C1orf21: variants seen among roughly 807,000 people sequenced by gnomAD.
C1orf21 encodes the protein uncharacterized protein C1orf21.
In C1orf21, 3 loss-of-function variants were observed where a neutral mutation model predicts 18.7. That is an observed-to-expected ratio of 0.16 (90% CI 0.07 to 0.42). The LOEUF (loss-of-function observed/expected upper bound fraction) is 0.42, where lower values mean the gene tolerates loss of function less well. C1orf21 is among the 10% of genes least tolerant of loss of function. The pLI, the probability that C1orf21 is intolerant of heterozygous loss-of-function variation, is 0.99. For synonymous variants in C1orf21, 41 were observed against 46.4 expected (o/e 0.88, Z 0.47); for missense variants, 104 against 143.6 (o/e 0.72, Z 1.41).
At chr1:184,511,970 A>G (rs1658155436) in intron 3 of C1orf21, among the ~76,000 whole-genome samples, 1 of 152,190 alleles carries the variant, frequency 6.6e-6, no homozygotes, top group Non-Finnish European at 1.5e-5. Context: ...GTAATTTAAA[A>G]TGAGACTTGG....
chr1:184,516,689 A>G (rs1243146734), intron 3 of C1orf21, among the ~76,000 whole-genome samples: 2 of 152,188 alleles, frequency 1.3e-5, no homozygotes, highest in East Asian at 3.8e-4. Context: ...TGTGAGACTT[A>G]TTCACTACCA....
At chr1:184,603,252 A>G (rs1394270882) in intron 5 of C1orf21, among the ~76,000 whole-genome samples, 1 of 152,192 alleles carries the variant, frequency 6.6e-6, no homozygotes, top group Non-Finnish European at 1.5e-5. Context: ...GACTTTAAAG[A>G]GGATTAGGGA....
intron 1 of C1orf21, among the ~76,000 whole-genome samples, chr1:184,449,319 G>A (rs925215950): frequency 9.2e-5 from 14 of 151,880 alleles, no homozygotes; most frequent in East Asian, 3.9e-4. Context: ...TTGTCCTTGC[G>A]ATAGTTTGCT....
intron 3 of C1orf21, among the ~76,000 whole-genome samples, chr1:184,533,085 C>A (rs1658491630): frequency 6.6e-6 from 1 of 152,084 alleles, no homozygotes. Context: ...TGGCTTCCTG[C>A]TGCTCCCGGG....
intron 1 of C1orf21, among the ~76,000 whole-genome samples, chr1:184,419,016 A>G (rs916560074): frequency 6.6e-6 from 1 of 152,188 alleles, no homozygotes; most frequent in African/African-American, 2.4e-5. Flanking sequence ...ACTGCACTCT[A>G]GAGGCTTTCC....
At chr1:184,506,339 G>A (rs971407417) in intron 2 of C1orf21, among the ~76,000 whole-genome samples, 1 of 152,144 alleles carries the variant, frequency 6.6e-6, no homozygotes, top group Non-Finnish European at 1.5e-5. Flanking sequence ...TTACTGTAAC[G>A]AACATCTTTG....
At chr1:184,491,157 G>A (rs1258482346) in intron 2 of C1orf21, among the ~76,000 whole-genome samples, 1 of 151,996 alleles carries the variant, frequency 6.6e-6, no homozygotes, top group Non-Finnish European at 1.5e-5. Context: ...AATAATCAGT[G>A]AACTTTATTT....
intron 1 of C1orf21, among the ~76,000 whole-genome samples, chr1:184,430,331 T>C (rs2101970448): frequency 6.6e-6 from 1 of 152,240 alleles, no homozygotes; most frequent in South Asian, 2.1e-4. Context: ...CCAGTGACTG[T>C]CCTCCACTCT....
intron 1 of C1orf21, among the ~76,000 whole-genome samples, chr1:184,417,620 C>T (rs1656474552): frequency 6.6e-6 from 1 of 152,130 alleles, no homozygotes; most frequent in Admixed American, 6.6e-5. Flanking sequence ...TCTTTAAACT[C>T]AAAATATAGA....
chr1:184,558,507 G>C (rs1000997856), intron 3 of C1orf21, among the ~76,000 whole-genome samples: 2 of 152,156 alleles, frequency 1.3e-5, no homozygotes, highest in Non-Finnish European at 2.9e-5. Context: ...AAGCATCTAG[G>C]AATCTTTAGA....
At chr1:184,598,066 T>G (rs1349490642) in intron 4 of C1orf21, among the ~76,000 whole-genome samples, 1 of 152,146 alleles carries the variant, frequency 6.6e-6, no homozygotes, top group Non-Finnish European at 1.5e-5. Context: ...GAAATATGCC[T>G]TATGCTGCTT....
chr1:184,473,986 T>C (rs1406066941), intron 1 of C1orf21, among the ~76,000 whole-genome samples: 2 of 152,212 alleles, frequency 1.3e-5, no homozygotes, highest in African/African-American at 2.4e-5. Flanking sequence ...ATTAAATGAA[T>C]GAATAATTGG....
At chr1:184,558,266 G>A (rs902504815) in intron 3 of C1orf21, among the ~76,000 whole-genome samples, 1 of 152,112 alleles carries the variant, frequency 6.6e-6, no homozygotes, top group Non-Finnish European at 1.5e-5. Flanking sequence ...CTTCTACCAT[G>A]TATGTCACAG....
rs1316438189 is a variant in C1orf21, at chr1:184,553,452, G to A, written c.190-37287G>A. 2.0e-5 allele frequency among the ~76,000 whole-genome samples: 3 copies of A among 152,256 alleles called. No individual in the cohort carries two copies. The East Asian group carries it at 5.8e-4, about 29-fold the overall frequency. On this transcript the variant is annotated intron_variant, in intron 3 of 5. Coordinates refer to ENST00000235307, the MANE Select transcript of C1orf21 (RefSeq NM_030806.4). ...TGGTTCTGTGCCGTAAACACTGAAT[G>A]GACTATCTTACCTTGTCTTTACAAT...
chr1:184,486,736 C>T (rs1305853371), intron 2 of C1orf21, among the ~76,000 whole-genome samples: 3 of 152,138 alleles, frequency 2.0e-5, no homozygotes, highest in Non-Finnish European at 4.4e-5. Context: ...CCTTCCCTTG[C>T]CAGCTGGTAT....
chr1:184,460,371 A>G (rs1257251007), intron 1 of C1orf21, among the ~76,000 whole-genome samples: 1 of 152,240 alleles, frequency 6.6e-6, no homozygotes, highest in Non-Finnish European at 1.5e-5. Context: ...GACATTCAAT[A>G]GAAGTTGAGT....
At chr1:184,558,485 C>A (rs1171804479) in intron 3 of C1orf21, among the ~76,000 whole-genome samples, 2 of 152,166 alleles carry the variant, frequency 1.3e-5, no homozygotes, top group Admixed American at 1.3e-4. Flanking sequence ...TGTACATAAA[C>A]CATTAGATTG....
At chr1:184,542,143 A>G (rs1658661154) in intron 3 of C1orf21, among the ~76,000 whole-genome samples, 1 of 152,156 alleles carries the variant, frequency 6.6e-6, no homozygotes, top group Non-Finnish European at 1.5e-5. Flanking sequence ...TTGCCTAAAT[A>G]TTTGAGCAGA....
intron 3 of C1orf21, among the ~76,000 whole-genome samples, chr1:184,579,429 G>A (rs1408978364): frequency 1.1e-5 from 1 of 94,728 alleles, no homozygotes; most frequent in African/African-American, 4.1e-5. Flanking sequence ...TCACCATGTT[G>A]CCCAGTCTGG....
Sources: allele counts gnomAD v4.1 joint callset (sites outside exome capture counted in the v4.1 genomes callset), GRCh38; gene constraint gnomAD v4.1.1; transcripts MANE v1.5; gene names NCBI Gene and HGNC (gene_info 2026-07-23, HGNC 2026-07-21).